The following GBE1 variants were observed in gnomAD, a reference collection of about 807,000 sequenced individuals.
GBE1 encodes 1,4-alpha-glucan-branching enzyme.
In GBE1, 70 loss-of-function variants were observed where a neutral mutation model predicts 88.8. The observed-to-expected ratio is 0.79, with a 90% CI of 0.65 to 0.96. The LOEUF is 0.96. Among genes scored for constraint, GBE1 ranks in the 40% least tolerant of loss-of-function variants. The pLI is 0.00. For missense variants in GBE1, 872 were observed against 871.0 expected (o/e 1.00, Z -0.01); for synonymous variants, 284 against 300.1 (o/e 0.95, Z 0.56).
chr3:81,537,993 T>C (rs1167286417), intron 12 of GBE1, among the ~76,000 whole-genome samples: 1 of 152,020 alleles, frequency 6.6e-6, no homozygotes, highest in African/African-American at 2.4e-5. Flanking sequence ...TTGGTTTTTA[T>C]TGTTACCCTT....
rs528836397 is a variant in GBE1, at chr3:81,502,010, T to C, written c.1935-2783A>G. Among the ~76,000 whole-genome samples the C allele has an allele frequency of 2.0e-3, 304 of 151,918 alleles. 1 individual carries two copies. The highest frequency in any genetic ancestry group is 2.2e-3 in the Non-Finnish European group (147 of 67,948). On this transcript the variant is annotated intron_variant, in intron 14 of 15. Transcript: ENST00000429644. Reference sequence around the variant, plus strand: ...TGCCTGGAATGCTTTTTTTTTTTTTTTCTCTTAATAAAGGAGAATGTTCTC... The same window carrying C: ...TGCCTGGAATGCTTTTTTTTTTTTTCTCTCTTAATAAAGGAGAATGTTCTC...
intron 7 of GBE1, among the ~76,000 whole-genome samples, chr3:81,609,435 CA>C (rs1262775990): frequency 6.6e-6 from 1 of 151,098 alleles, no homozygotes. Context: ...AGCTCAAAGC[CA>C]AAAAAAACTT....
intron 12 of GBE1, among the ~76,000 whole-genome samples, chr3:81,568,842 A>G (rs1703533489): frequency 1.3e-5 from 2 of 152,124 alleles, no homozygotes; most frequent in Admixed American, 1.3e-4. Flanking sequence ...ATGTGTGTGT[A>G]TATATATACA....
intron 12 of GBE1, among the ~76,000 whole-genome samples, chr3:81,574,074 A>G (rs899070022): frequency 3.3e-5 from 5 of 152,202 alleles, no homozygotes; most frequent in African/African-American, 1.2e-4. Context: ...GTGAGACTTA[A>G]TGCAGAAATG....
intron 14 of GBE1, among the ~76,000 whole-genome samples, chr3:81,522,299 T>A (rs960685607): frequency 2.6e-5 from 4 of 151,588 alleles, no homozygotes; most frequent in African/African-American, 7.3e-5. Flanking sequence ...TAAAAAACAA[T>A]ACTGTTTATC....
intron 7 of GBE1, among the ~76,000 whole-genome samples, chr3:81,621,582 C>T (rs1704334143): frequency 6.6e-6 from 1 of 152,172 alleles, no homozygotes; most frequent in African/African-American, 2.4e-5. Flanking sequence ...CAGAAAATTA[C>T]TCCTAACCAC....
intron 12 of GBE1, among the ~76,000 whole-genome samples, chr3:81,542,526 T>C (rs1703155692): frequency 6.6e-6 from 1 of 152,166 alleles, no homozygotes; most frequent in African/African-American, 2.4e-5. Context: ...ATTATATTTC[T>C]TAATGTATAT....
At chr3:81,527,658 C>A (rs1702960346) in intron 14 of GBE1, among the ~76,000 whole-genome samples, 1 of 152,006 alleles carries the variant, frequency 6.6e-6, no homozygotes, top group African/African-American at 2.4e-5. Flanking sequence ...AAATCAAAAC[C>A]ACAATGAGAT....
chr3:81,646,063 A>C (rs1396085694), intron 6 of GBE1, among the ~76,000 whole-genome samples: 1 of 152,228 alleles, frequency 6.6e-6, no homozygotes, highest in Non-Finnish European at 1.5e-5. Flanking sequence ...ATCTCTTTCC[A>C]GAAAACGATG....
intron 7 of GBE1, among the ~76,000 whole-genome samples, chr3:81,635,144 G>A (rs1038186180): frequency 3.3e-5 from 5 of 152,116 alleles, no homozygotes; most frequent in Non-Finnish European, 7.3e-5. Context: ...TCAACAGACA[G>A]AATTTGAAAG....
chr3:81,529,768 G>C (rs557127957), intron 14 of GBE1, among the ~76,000 whole-genome samples: 80 of 152,080 alleles, frequency 5.3e-4, no homozygotes, highest in Middle Eastern at 6.8e-3. Context: ...TTGGGAAATT[G>C]ATTTTTAAAT....
chr3:81,494,728 A>G (rs1702479747), intron 15 of GBE1, among the ~76,000 whole-genome samples: 1 of 152,158 alleles, frequency 6.6e-6, no homozygotes, highest in African/African-American at 2.4e-5. Context: ...GCACAGTACA[A>G]TCCAATTCAT....
chr3:81,538,464 GATA>G (rs1703103245), intron 12 of GBE1, among the ~76,000 whole-genome samples: 1 of 151,912 alleles, frequency 6.6e-6, no homozygotes, highest in Admixed American at 6.6e-5. Context: ...CAGTCTAAAT[GATA>G]ATATTTCTTA....
At chr3:81,750,629 A>ATGTGTGTGTGTG (rs1559708761) in intron 1 of GBE1, among the ~76,000 whole-genome samples, 1 of 40,292 alleles carries the variant, frequency 2.5e-5, no homozygotes, top group African/African-American at 1.6e-4. Flanking sequence ...ATATATATAT[A>ATGTGTGTGTGTG]CGTATATATA....
At chr3:81,720,216 A>G (rs1706002960) in intron 1 of GBE1, among the ~76,000 whole-genome samples, 1 of 152,048 alleles carries the variant, frequency 6.6e-6, no homozygotes, top group South Asian at 2.1e-4. Flanking sequence ...CTGCCTACAT[A>G]TTGGCAAGAT....
intron 1 of GBE1, among the ~76,000 whole-genome samples, chr3:81,735,835 C>G (rs897262944): frequency 2.6e-5 from 4 of 152,124 alleles, no homozygotes; most frequent in African/African-American, 9.7e-5. Context: ...CAAGTTTCTA[C>G]TCCACACAGC....
chr3:81,650,870 TTC>T (rs1704839953), intron 3 of GBE1, among the ~76,000 whole-genome samples: 3 of 152,080 alleles, frequency 2.0e-5, no homozygotes, highest in Admixed American at 6.6e-5. Context: ...GAAATGGGGT[TTC>T]TCTGTGTTGC....
At chr3:81,502,393 GA>G in intron 14 of GBE1, among the ~76,000 whole-genome samples, 2 of 152,208 alleles carry the variant, frequency 1.3e-5, no homozygotes, top group East Asian at 3.9e-4. Context: ...CATCAATTTA[GA>G]CATGTTTCTC....
At chr3:81,670,419 T>G (rs1404183613) in intron 3 of GBE1, among the ~76,000 whole-genome samples, 1 of 152,124 alleles carries the variant, frequency 6.6e-6, no homozygotes, top group African/African-American at 2.4e-5. Context: ...CCAAAATGCA[T>G]GCGCGTCCAA....
Sources: gnomAD v4.1 joint callset for allele counts (sites outside exome capture counted in the v4.1 genomes callset) on GRCh38, gnomAD v4.1.1 for gene constraint, MANE v1.5 for transcripts, NCBI Gene and HGNC (gene_info 2026-07-23, HGNC 2026-07-21) for gene names.